Variants in CNTNAP2 observed in about 807,000 individuals in gnomAD.
The protein encoded by CNTNAP2 is contactin-associated protein-like 2.
A neutral mutation model predicts 155.2 loss-of-function variants in CNTNAP2; 98 were observed. The observed-to-expected ratio is 0.63, with a 90% CI of 0.54 to 0.75. The LOEUF (loss-of-function observed/expected upper bound fraction) is 0.75, where lower values mean the gene tolerates loss of function less well. Ranked by LOEUF, CNTNAP2 falls within the 30% of genes least tolerant of loss-of-function variation. CNTNAP2 has a pLI of 0.00. For synonymous variants in CNTNAP2, 651 were observed against 631.2 expected (o/e 1.03, Z -0.47); for missense variants, 1,727 against 1,688.1 (o/e 1.02, Z -0.40).
chr7:146,830,326 T>C (rs1803486332), intron 2 of CNTNAP2, among the ~76,000 whole-genome samples: 1 of 152,026 alleles, frequency 6.6e-6, no homozygotes, highest in Non-Finnish European at 1.5e-5. Context: ...AGGACGGTGA[T>C]TTTTGAAAAA....
chr7:147,587,468 C>T (rs1485826821), intron 12 of CNTNAP2, among the ~76,000 whole-genome samples: 2 of 152,162 alleles, frequency 1.3e-5, no homozygotes, highest in Non-Finnish European at 2.9e-5. Context: ...GCTTTGCTTA[C>T]ATTTCAGCAT....
At chr7:146,546,623 C>G (rs1166478497) in intron 1 of CNTNAP2, among the ~76,000 whole-genome samples, 1 of 151,848 alleles carries the variant, frequency 6.6e-6, no homozygotes, top group Non-Finnish European at 1.5e-5. Flanking sequence ...TCTCACACTG[C>G]TGTAAGGGCA....
chr7:147,490,418 T>C (rs1031771978), intron 11 of CNTNAP2, among the ~76,000 whole-genome samples: 1 of 152,210 alleles, frequency 6.6e-6, no homozygotes, highest in Non-Finnish European at 1.5e-5. Flanking sequence ...AAACTGTAAA[T>C]TGTGTTGCAC....
chr7:146,602,695 G>A (rs1798969776), intron 1 of CNTNAP2, among the ~76,000 whole-genome samples: 1 of 152,216 alleles, frequency 6.6e-6, no homozygotes, highest in South Asian at 2.1e-4. Flanking sequence ...ATTTATTTCA[G>A]AGGGTAAAAA....
intron 9 of CNTNAP2, among the ~76,000 whole-genome samples, chr7:147,381,821 AT>A (rs535825232): frequency 6.6e-6 from 1 of 152,108 alleles, no homozygotes; most frequent in South Asian, 2.1e-4. Context: ...GTATAAACAT[AT>A]TTTATATATA....
chr7:148,192,185 T>C (rs1048124050), intron 18 of CNTNAP2, among the ~76,000 whole-genome samples: 3 of 152,190 alleles, frequency 2.0e-5, no homozygotes, highest in African/African-American at 4.8e-5. Context: ...ATGGATTACA[T>C]AGTGGTGAAG....
chr7:147,750,180 T>A (rs1006439242), intron 13 of CNTNAP2, among the ~76,000 whole-genome samples: 8 of 152,198 alleles, frequency 5.3e-5, no homozygotes, highest in Non-Finnish European at 1.2e-4. Flanking sequence ...TCCGTAAAAT[T>A]TATTTTGAGC....
Position 146,935,809 on chromosome 7 carries a change from C to T in CNTNAP2, c.402+95905C>T, listed in dbSNP as rs1378320484. 4.6e-5 allele frequency among the ~76,000 whole-genome samples: 7 copies of T among 152,170 alleles called. No homozygotes were observed. In the East Asian group the frequency reaches 1.2e-3, roughly 25 times the overall value. ...TTAAGAAGAGGACTACTTAATCAAGCGAGTAAACTCTTTATCTAGCTCATT... is the reference window on the plus strand; with the variant it reads ...TTAAGAAGAGGACTACTTAATCAAGTGAGTAAACTCTTTATCTAGCTCATT... On this transcript the variant is annotated intron_variant, in intron 3 of 23. Coordinates refer to ENST00000361727, the MANE Select transcript of CNTNAP2 (RefSeq NM_014141.6).
At chr7:146,606,466 G>A (rs867500398) in intron 1 of CNTNAP2, among the ~76,000 whole-genome samples, 1 of 152,152 alleles carries the variant, frequency 6.6e-6, no homozygotes, top group African/African-American at 2.4e-5. Context: ...TATGAAGAAA[G>A]ATAATTGAAT....
intron 1 of CNTNAP2, among the ~76,000 whole-genome samples, chr7:146,610,893 ATTAAT>A (rs781126843): frequency 1.3e-5 from 2 of 152,170 alleles, no homozygotes; most frequent in African/African-American, 2.4e-5. Context: ...CTGTTTATAC[ATTAAT>A]TTAGTCTCTT....
chr7:148,302,652 C>G (rs1417360966), intron 21 of CNTNAP2, among the ~76,000 whole-genome samples: 2 of 152,072 alleles, frequency 1.3e-5, no homozygotes, highest in African/African-American at 4.8e-5. Flanking sequence ...CTCACAAGAT[C>G]TGATGGTTTT....
At chr7:146,708,955 T>A (rs1433998740) in intron 1 of CNTNAP2, among the ~76,000 whole-genome samples, 1 of 152,138 alleles carries the variant, frequency 6.6e-6, no homozygotes, top group Non-Finnish European at 1.5e-5. Context: ...TAAATTATAA[T>A]TCAGAAGTAT....
chr7:146,653,467 C>G (rs1032310712), intron 1 of CNTNAP2, among the ~76,000 whole-genome samples: 3 of 152,094 alleles, frequency 2.0e-5, no homozygotes, highest in African/African-American at 7.2e-5. Context: ...GAGAATGTCT[C>G]TATGTTTAAT....
chr7:148,026,509 G>A (rs73468120), intron 15 of CNTNAP2, among the ~76,000 whole-genome samples: 9,478 of 152,146 alleles, frequency 0.062, 656 homozygotes, highest in African/African-American at 0.17. Flanking sequence ...AGCATTCTGT[G>A]TAGGGGGAAT....
In CNTNAP2 at chr7:147,108,243, T is replaced by A; in HGVS notation, c.647T>A (p.Phe216Tyr). The change falls in exon 5 of 24, where the codon TTT becomes TAT. Residue 216 changes from phenylalanine to tyrosine, a missense_variant. Physicochemically the swap from Phe to Tyr is conservative, Grantham distance 22. Coordinates refer to ENST00000361727, the MANE Select transcript of CNTNAP2 (RefSeq NM_014141.6). ...CTGAAAGATGTCATTGCCTTGAACT[T>A]TAAGACGTCTGAAAGTGAAGGAGTA... ...KTLKDVIALNFKTSESEGVIL... is the reference protein window; with the variant it reads ...KTLKDVIALNYKTSESEGVIL... The A allele has an allele frequency of 6.2e-7, 1 of 1,613,812 alleles. No individual in the cohort carries two copies. Among genetic ancestry groups the A allele is most frequent in the Non-Finnish European group, 8.5e-7 (1 of 1,179,836 alleles).
intron 1 of CNTNAP2, among the ~76,000 whole-genome samples, chr7:146,751,839 T>C (rs955646764): frequency 1.3e-5 from 2 of 152,024 alleles, no homozygotes; most frequent in Non-Finnish European, 2.9e-5. Context: ...TGTGTTCTCA[T>C]TGTTCACCTC....
At chr7:147,302,691 T>C (rs894668100) in intron 9 of CNTNAP2, among the ~76,000 whole-genome samples, 1 of 152,230 alleles carries the variant, frequency 6.6e-6, no homozygotes. Context: ...AACAGAATTA[T>C]AGATTGACCT....
At chr7:147,747,444 T>A (rs1472601671) in intron 13 of CNTNAP2, among the ~76,000 whole-genome samples, 1 of 152,256 alleles carries the variant, frequency 6.6e-6, no homozygotes, top group African/African-American at 2.4e-5. Context: ...TTTTTATGGC[T>A]GAGTAATATT....
intron 11 of CNTNAP2, among the ~76,000 whole-genome samples, chr7:147,507,274 T>C (rs558168247): frequency 1.3e-5 from 2 of 152,160 alleles, no homozygotes; most frequent in East Asian, 1.9e-4. Context: ...AATGCAGGGG[T>C]ATGAAAATAA....
Sources: allele counts gnomAD v4.1 joint callset (sites outside exome capture counted in the v4.1 genomes callset), GRCh38; gene constraint gnomAD v4.1.1; transcripts MANE v1.5; gene names NCBI Gene and HGNC (gene_info 2026-07-23, HGNC 2026-07-21).